Variants in MTUS1 observed in about 807,000 individuals in gnomAD.
The protein encoded by MTUS1 is microtubule associated scaffold protein 1.
MTUS1 carries 109 observed loss-of-function variants against 120.8 expected under a neutral mutation model. The ratio of observed to expected loss-of-function variants is 0.90; its 90% CI spans 0.77 to 1.06. The LOEUF is 1.06. Ranked by LOEUF, MTUS1 falls within the 50% of genes least tolerant of loss-of-function variation. The probability of loss-of-function intolerance (pLI) is 0.00; values close to 1 mark genes in which losing one functional copy is unlikely to be tolerated. For missense variants in MTUS1, 2,210 were observed against 1,486.3 expected (o/e 1.49, Z -8.01); for synonymous variants, 737 against 550.5 (o/e 1.34, Z -4.74).
At chr8:17,761,356 T>C (rs1318268248) in intron 1 of MTUS1, among the ~76,000 whole-genome samples, 1 of 152,218 alleles carries the variant, frequency 6.6e-6, no homozygotes, top group Non-Finnish European at 1.5e-5. Context: ...ATTACAATTA[T>C]TATCATATAA....
At chr8:17,801,286 G>A (rs1239327001), upstream of MTUS1, 2 of 151,942 alleles carry the variant, frequency 1.3e-5, no homozygotes, top group Admixed American at 1.3e-4. Flanking sequence ...GCCAGGGGGT[G>A]GAGCAGGGCG....
At chr8:17,715,987 C>G in intron 4 of MTUS1, 86 bp from the exon 5 acceptor site, 34 of 1,272,398 alleles carry the variant, frequency 2.7e-5, no homozygotes, top group Non-Finnish European at 3.7e-5. Context: ...CTTGAACCAA[C>G]AAATGCTCAA....
intron 2 of MTUS1, among the ~76,000 whole-genome samples, chr8:17,745,673 A>G (rs1284238204): frequency 6.6e-6 from 1 of 152,208 alleles, no homozygotes; most frequent in African/African-American, 2.4e-5. Flanking sequence ...CTAGTTTTCA[A>G]TCCTTCCCCT....
Position 17,684,515 on chromosome 8 carries a change from C to CGA in MTUS1, c.2649_2650dup (p.Arg884LeufsTer23). Reference sequence around the variant, plus strand: ...TGTCTGTGGCTGGATACATAAGCTTCGAGGATTCTTTTGCCTGCTCTTTTC... The same window carrying CGA: ...TGTCTGTGGCTGGATACATAAGCTTCGAGAGGATTCTTTTGCCTGCTCTTTTC... On this transcript the variant is annotated frameshift_variant, in exon 7 of 15. Transcript: ENST00000693296. LOFTEE classifies it high-confidence loss of function. The CGA allele has an allele frequency of 6.2e-7, 1 of 1,613,988 alleles. No homozygotes were observed. Among genetic ancestry groups the CGA allele is most frequent in the East Asian group, 2.2e-5 (1 of 44,882 alleles).
chr8:17,677,136 C>G (rs192062307), intron 7 of MTUS1, among the ~76,000 whole-genome samples: 169 of 152,202 alleles, frequency 1.1e-3, no homozygotes, highest in East Asian at 7.7e-4. Context: ...GTCAGAGTTT[C>G]TTAAAATAAT....
intron 2 of MTUS1, among the ~76,000 whole-genome samples, chr8:17,750,538 G>A (rs1184980296): frequency 6.6e-6 from 1 of 152,174 alleles, no homozygotes; most frequent in Non-Finnish European, 1.5e-5. Context: ...AAAAGGCCAG[G>A]ATTCAAGTGA....
chr8:17,645,956 G>A lies in MTUS1; in HGVS notation c.3783C>T (p.Ser1261=), dbSNP rs764838530. 1.6e-5 allele frequency: 25 copies of A among 1,612,658 alleles called. No homozygotes were observed. The highest frequency in any genetic ancestry group is 2.0e-5 in the Non-Finnish European group (24 of 1,179,890). Reference sequence around the variant, plus strand: ...TGGGTGAAATGCTGGGGCTAGGGAAGGAGCCCGAATTCCTTGGTGACTGCA... The same window carrying A: ...TGGGTGAAATGCTGGGGCTAGGGAAAGAGCCCGAATTCCTTGGTGACTGCA... ...IPLQSPRNSG[S]FPSPSISPR is the part of the protein sequence containing the mutation. Residue 1261 remains serine (S), a synonymous_variant, in exon 15 of 15, where the codon TCC becomes TCT. Coordinates refer to ENST00000693296, the MANE Select transcript of MTUS1 (RefSeq NM_001363059.2).
chr8:17,766,430 C>G (rs1386950855), intron 1 of MTUS1, among the ~76,000 whole-genome samples: 1 of 152,164 alleles, frequency 6.6e-6, no homozygotes, highest in African/African-American at 2.4e-5. Context: ...TATCTTTTTT[C>G]AAGTTTAATA....
intron 1 of MTUS1, among the ~76,000 whole-genome samples, chr8:17,760,882 T>C (rs561333197): frequency 2.1e-4 from 32 of 150,554 alleles, no homozygotes; most frequent in African/African-American, 7.3e-4. Flanking sequence ...TTGGTAGTAC[T>C]ACCTACCAGA....
intron 8 of MTUS1, among the ~76,000 whole-genome samples, chr8:17,664,259 T>G (rs1170390510): frequency 1.8e-4 from 27 of 152,118 alleles, no homozygotes; most frequent in Admixed American, 1.8e-3. Context: ...TTTTCCTAAT[T>G]TGGAGGAGAT....
chr8:17,654,601 T>G lies in MTUS1; in HGVS notation c.3174A>C (p.Lys1058Asn). ...KLEIEASHSE[K>N]LELLKKAYEA... The stretch of plus-strand genomic sequence containing the variant: ...CATAGGCCTTCTTTAGCAATTCAAG[T>G]TTCTCTGAGTGGCTAGCTTCAATTT... Residue 1058 changes from lysine (K) to asparagine (N), a missense_variant, in exon 10 of 15, where the codon AAA becomes AAC. Transcript: ENST00000693296. The G allele has an allele frequency of 6.2e-7, 1 of 1,614,112 alleles. No individual in the cohort carries two copies. The highest frequency in any genetic ancestry group is 8.5e-7 in the Non-Finnish European group (1 of 1,179,928).
chr8:17,738,752 A>T (rs2047103577), intron 3 of MTUS1, among the ~76,000 whole-genome samples: 1 of 152,156 alleles, frequency 6.6e-6, no homozygotes, highest in Admixed American at 6.5e-5. Context: ...TTCACATCAG[A>T]GTTAACATCA....
chr8:17,696,357 G>A (rs903368087), intron 6 of MTUS1, among the ~76,000 whole-genome samples: 1 of 151,992 alleles, frequency 6.6e-6, no homozygotes, highest in African/African-American at 2.4e-5. Context: ...ACAGAGATGA[G>A]CCACGTGGAA....
intron 7 of MTUS1, chr8:17,676,421 A>G: frequency 1.5e-6 from 1 of 689,020 alleles, no homozygotes; most frequent in Non-Finnish European, 2.6e-6. Flanking sequence ...GTCTGTCTAC[A>G]TTCAAAGCTC....
intron 3 of MTUS1, among the ~76,000 whole-genome samples, chr8:17,742,310 T>TAGAGA (rs2047396132): frequency 6.8e-6 from 1 of 146,126 alleles, no homozygotes; most frequent in African/African-American, 2.6e-5. Flanking sequence ...TTTTTTTTTT[T>TAGAGA]TAGAGATAGT....
chr8:17,704,751 T>G (rs542267536), intron 6 of MTUS1, among the ~76,000 whole-genome samples: 1 of 152,340 alleles, frequency 6.6e-6, no homozygotes, highest in African/African-American at 2.4e-5. Flanking sequence ...TTTGCAGTCC[T>G]CTGTCATTCT....
intron 13 of MTUS1, 136 bp from the exon 14 acceptor site, chr8:17,647,215 C>T (rs1440614633): frequency 3.1e-6 from 2 of 636,794 alleles, no homozygotes; most frequent in Non-Finnish European, 5.4e-6. Flanking sequence ...AATATTTATA[C>T]ACTAACAAAC....
At chr8:17,738,965 C>A (rs548999323) in intron 3 of MTUS1, among the ~76,000 whole-genome samples, 1 of 151,172 alleles carries the variant, frequency 6.6e-6, no homozygotes, top group South Asian at 2.1e-4. Context: ...AAAGTGAGAC[C>A]CCCCCATCTC....
chr8:17,755,277 G>T lies in MTUS1; in HGVS notation c.531C>A (p.Ala177=), dbSNP rs1250525052. 1 of 1,614,148 alleles carries T rather than the reference G, an allele frequency of 6.2e-7. No individual in the cohort carries two copies. The highest frequency in any genetic ancestry group is 1.1e-5 in the South Asian group (1 of 91,082). ...TATGGAAGGACTGACTCTTTCCGAT[G>T]GCATGATGTGATATAAAGGTGCAGT... ...KVNCTFISHH[A]IGKSQSFHTA... Residue 177 remains alanine (A), a synonymous_variant, in exon 2 of 15, where the codon GCC becomes GCA. Coordinates refer to ENST00000693296, the MANE Select transcript of MTUS1 (RefSeq NM_001363059.2).
Sources: gnomAD v4.1 joint callset for allele counts (sites outside exome capture counted in the v4.1 genomes callset) on GRCh38, gnomAD v4.1.1 for gene constraint, MANE v1.5 for transcripts, NCBI Gene and HGNC (gene_info 2026-07-23, HGNC 2026-07-21) for gene names.